The following MRPL47 variants were observed in gnomAD, a reference collection of about 807,000 sequenced individuals.
MRPL47 encodes mitochondrial ribosomal protein L47, also known as large ribosomal subunit protein uL29m.
Under a neutral mutation model 34.0 loss-of-function variants are expected in MRPL47, and 31 were observed. That is an observed-to-expected ratio of 0.91 (90% CI 0.68 to 1.23). The LOEUF is 1.23. Among genes scored for constraint, MRPL47 ranks in the 50% most tolerant of loss-of-function variants. The pLI is 0.00. For synonymous variants in MRPL47, 106 were observed against 101.6 expected (o/e 1.04, Z -0.26); for missense variants, 328 against 285.8 (o/e 1.15, Z -1.07).
intron 2 of MRPL47, among the ~76,000 whole-genome samples, 162 bp downstream of exon 2, chr3:179,602,488 ATT>A (rs1718948026): frequency 6.6e-6 from 1 of 151,456 alleles, no homozygotes; most frequent in South Asian, 2.1e-4. Flanking sequence ...CTACTATTAT[ATT>A]GTCCCTTTAA....
chr3:179,599,348 G>A (rs996888545), intron 3 of MRPL47, among the ~76,000 whole-genome samples: 22 of 152,296 alleles, frequency 1.4e-4, no homozygotes, highest in Admixed American at 1.1e-3. Flanking sequence ...CATTCTGAGT[G>A]GAGAGTAGAG....
At chr3:179,589,346 A>T (rs545391550) in intron 6 of MRPL47, among the ~76,000 whole-genome samples, 1 of 152,194 alleles carries the variant, frequency 6.6e-6, no homozygotes, top group Non-Finnish European at 1.5e-5. Flanking sequence ...AGTGAGTACT[A>T]TTTGAAAGTA....
At chr3:179,594,647 T>C (rs1278924901) in intron 4 of MRPL47, among the ~76,000 whole-genome samples, 1 of 152,062 alleles carries the variant, frequency 6.6e-6, no homozygotes, top group Non-Finnish European at 1.5e-5. Flanking sequence ...CACACCCGGC[T>C]AATTTTTTGT....
chr3:179,594,377 A>T (rs1718747354), intron 4 of MRPL47, among the ~76,000 whole-genome samples: 1 of 152,248 alleles, frequency 6.6e-6, no homozygotes. Context: ...CCAGATATGA[A>T]TCTCCAAAGA....
intron 6 of MRPL47, among the ~76,000 whole-genome samples, chr3:179,590,467 A>G (rs1718648567): frequency 6.6e-6 from 1 of 152,250 alleles, no homozygotes; most frequent in Non-Finnish European, 1.5e-5. Flanking sequence ...TCAGTTGCTT[A>G]GCATCTCAAC....
At chr3:179,599,121 A>G (rs149348275) in intron 3 of MRPL47, among the ~76,000 whole-genome samples, 158 of 152,138 alleles carry the variant, frequency 1.0e-3, no homozygotes, top group African/African-American at 3.6e-3. Flanking sequence ...GTGGGCTAAG[A>G]TCACACTACT....
intron 1 of MRPL47, among the ~76,000 whole-genome samples, chr3:179,604,235 C>T (rs1252065690): frequency 1.3e-5 from 2 of 152,132 alleles, no homozygotes; most frequent in African/African-American, 4.8e-5. Flanking sequence ...CTCACCCAGC[C>T]CAAGAGGATG....
chr3:179,591,294 C>A (rs1359843850), intron 6 of MRPL47, among the ~76,000 whole-genome samples: 1 of 152,180 alleles, frequency 6.6e-6, no homozygotes, highest in Non-Finnish European at 1.5e-5. Flanking sequence ...CTGTCTCTCT[C>A]TGGAGCCACA....
intron 2 of MRPL47, among the ~76,000 whole-genome samples, chr3:179,602,097 G>T (rs932977110): frequency 3.9e-5 from 6 of 152,154 alleles, no homozygotes; most frequent in African/African-American, 1.4e-4. Context: ...TATTCCCAAC[G>T]CTTTGGGAGG....
chr3:179,602,832 T>C (rs760087413), intron 1 of MRPL47, 35 bp from the exon 2 acceptor site: 1 of 1,515,932 alleles, frequency 6.6e-7, no homozygotes, highest in Non-Finnish European at 8.9e-7. Context: ...GTAAAAGTTT[T>C]ATAATATCTG....
In MRPL47 at chr3:179,598,677, T is replaced by C. The variant is rs1373158938; in HGVS notation, c.400A>G (p.Lys134Glu). The C allele has an allele frequency of 2.5e-6, 4 of 1,605,658 alleles. No individual in the cohort carries two copies. In the South Asian group the frequency reaches 4.4e-5, roughly 18 times the overall value. Residue 134 changes from lysine (K) to glutamate (E), a missense_variant and splice_region_variant, in exon 4 of 7, where the codon AAG becomes GAG. Coordinates refer to ENST00000476781, the MANE Select transcript of MRPL47 (RefSeq NM_020409.3). ...CTCCAGCCTCTCCCAATCCTTACCT[T>C]ATCTAACCGCTCTGGACTTGGCATT... is the stretch of plus-strand genomic sequence containing the variant. ...LPMPSPERLDKVVDSMDALDK... is the reference protein window; with the variant it reads ...LPMPSPERLDEVVDSMDALDK...
At chr3:179,600,847 CATT>C (rs1576870614) in intron 3 of MRPL47, among the ~76,000 whole-genome samples, 1 of 152,058 alleles carries the variant, frequency 6.6e-6, no homozygotes, top group African/African-American at 2.4e-5. Flanking sequence ...TCACAGGTCT[CATT>C]ATTCAAGAGC....
intron 4 of MRPL47, 143 bp from the exon 5 acceptor site, chr3:179,594,038 C>T: frequency 1.4e-6 from 1 of 718,870 alleles, no homozygotes; most frequent in Non-Finnish European, 2.2e-6. Flanking sequence ...TCCTAAAAAT[C>T]TTTTTGGCAC....
chr3:179,589,997 T>TA (rs1718632540), intron 6 of MRPL47, among the ~76,000 whole-genome samples: 2 of 152,314 alleles, frequency 1.3e-5, no homozygotes, highest in African/African-American at 4.8e-5. Flanking sequence ...AGAATATGTA[T>TA]AAAACCTGTA....
rs1718577008 is a variant in MRPL47, at chr3:179,588,394, A to C, written c.*478T>G. The C allele has an allele frequency of 5.4e-6, 1 of 186,806 alleles. No homozygotes were observed. Among genetic ancestry groups the C allele is most frequent in the Non-Finnish European group, 1.1e-5 (1 of 91,712 alleles). 11.6% of individuals were successfully genotyped at this position (186,806 alleles called of 1,614,324 possible). A position where few individuals can be genotyped will look rare whatever the true frequency, so the allele number is the denominator to read the frequency against. ...TTACAGAATTAAATAAAAATTAGCC[A>C]TTCCAGAAATATATTTTGGACTGTT... On this transcript the variant is annotated 3_prime_UTR_variant, in exon 7 of 7. Transcript: ENST00000476781.
intron 1 of MRPL47, among the ~76,000 whole-genome samples, chr3:179,603,319 T>G (rs1718974375): frequency 6.6e-6 from 1 of 152,084 alleles, no homozygotes; most frequent in Admixed American, 6.5e-5. Context: ...GGAGGATCAC[T>G]TTGAGCCCAG....
chr3:179,592,680 C>T lies in MRPL47; in HGVS notation c.593G>A (p.Arg198Gln), dbSNP rs369744911. ...WHLNKRYNRK[R>Q]FFALPYVDHF... ...GTCCACATAAGGCAAGGCAAAGAATCGTTTCCTATTGTATCTTTTATTTAG... is the reference window on the plus strand; with the variant it reads ...GTCCACATAAGGCAAGGCAAAGAATTGTTTCCTATTGTATCTTTTATTTAG... Residue 198 changes from arginine (R) to glutamine (Q), a missense_variant, in exon 6 of 7, where the codon CGA becomes CAA. Physicochemically the swap from Arg to Gln is conservative, Grantham distance 43 (BLOSUM62 1). Coordinates refer to ENST00000476781, the MANE Select transcript of MRPL47 (RefSeq NM_020409.3). 19 of 1,613,716 alleles carry T rather than the reference C, an allele frequency of 1.2e-5. No individual in the cohort carries two copies. The highest frequency in any genetic ancestry group is 6.7e-5 in the African/African-American group (5 of 74,918).
chr3:179,589,009 A>G lies in MRPL47; in HGVS notation c.630-14T>C. Reference sequence around the variant, plus strand: ...TCACGTTCCAGTCTAGAATAAAAAAAGCGTAACAGCAATTTATACAAAAAT... The same window carrying G: ...TCACGTTCCAGTCTAGAATAAAAAAGGCGTAACAGCAATTTATACAAAAAT... On this transcript the variant is annotated splice_polypyrimidine_tract_variant and intron_variant, in intron 6 of 6. Coordinates refer to ENST00000476781, the MANE Select transcript of MRPL47 (RefSeq NM_020409.3). 6.3e-7 allele frequency: 1 copy of G among 1,588,874 alleles called. No individual in the cohort carries two copies. The highest frequency in any genetic ancestry group is 8.5e-7 in the Non-Finnish European group (1 of 1,171,286).
In MRPL47 at chr3:179,598,734, G is replaced by A; in HGVS notation, c.343C>T (p.Leu115=). 6.2e-7 allele frequency: 1 copy of A among 1,612,762 alleles called. No individual in the cohort carries two copies. The highest frequency in any genetic ancestry group is 8.5e-7 in the Non-Finnish European group (1 of 1,178,980). Residue 115 remains leucine, a synonymous_variant, in exon 4 of 7, where the codon CTA becomes TTA. Transcript: ENST00000476781. Reference sequence around the variant, plus strand: ...CTCTGCCGCTTGGCCTCCTGCTCTAGGGTTAGAAGCATGTTTCTTTCTTTC... The same window carrying A: ...CTCTGCCGCTTGGCCTCCTGCTCTAAGGTTAGAAGCATGTTTCTTTCTTTC... The part of the protein sequence containing the change: ...LLKERNMLLT[L]EQEAKRQRLP...
Sources: allele counts gnomAD v4.1 joint callset (sites outside exome capture counted in the v4.1 genomes callset), GRCh38; gene constraint gnomAD v4.1.1; transcripts MANE v1.5; gene names NCBI Gene and HGNC (gene_info 2026-07-23, HGNC 2026-07-21).